Variants in SOD2 observed in about 807,000 individuals in gnomAD.
SOD2 encodes the protein superoxide dismutase 2.
A neutral mutation model predicts 27.0 loss-of-function variants in SOD2; 11 were observed. The ratio of observed to expected loss-of-function variants is 0.41; its 90% CI spans 0.26 to 0.67. The LOEUF (loss-of-function observed/expected upper bound fraction) is 0.67. Among genes scored for constraint, SOD2 ranks in the 30% least tolerant of loss-of-function variants. The pLI is 0.34. For synonymous variants in SOD2, 105 were observed against 103.0 expected, an observed-to-expected ratio of 1.02 and a Z score of -0.12; for missense variants, 250 against 274.5, an observed-to-expected ratio of 0.91 and a Z score of 0.63.
rs747680075 is a variant in SOD2 at position 159,711,034 on chromosome 6, A to AC, written c.-116+16094_-116+16095insG. ...ATAACCACCTCCATAACCACCACTC[A>AC]ACAGCTCTGATCACCATAACCGCCT... On this transcript the variant is annotated intron_variant, in intron 1 of 2. Transcript: ENST00000401980. Among the ~76,000 whole-genome samples the AC allele has an allele frequency of 7.7e-3, 367 of 47,958 alleles. 2 individuals carry two copies. Among genetic ancestry groups the AC allele is most frequent in the African/African-American group, 0.011 (132 of 12,280 alleles). 31.5% of individuals were successfully genotyped at this position (47,958 alleles called of 152,430 possible).
intron 1 of SOD2, chr6:159,713,697 G>A (rs1192658441): frequency 2.2e-6 from 2 of 900,874 alleles, no homozygotes. Context: ...ATTCAGACCT[G>A]TGTGCTTCGA....
upstream of SOD2, among the ~76,000 whole-genome samples, chr6:159,693,633 C>A (rs146069686): frequency 1.2e-4 from 19 of 152,348 alleles, no homozygotes; most frequent in East Asian, 3.5e-3. Flanking sequence ...CGGCGCCTGC[C>A]CCTGAGTTTT....
At chr6:159,741,700 G>T in intron 1 of SOD2, 1 of 172,032 alleles carries the variant, frequency 5.8e-6, no homozygotes, top group Non-Finnish European at 1.2e-5. Context: ...AGTTAAACTA[G>T]ATTTAGGCTG....
intron 1 of SOD2, among the ~76,000 whole-genome samples, chr6:159,704,142 AG>A (rs527826715): frequency 3.2e-3 from 482 of 152,260 alleles, no homozygotes; most frequent in Non-Finnish European, 5.8e-3. Flanking sequence ...AAATTAGGAG[AG>A]GCGGATCCAA....
chr6:159,688,977 T>C (rs929205311), intron 2 of SOD2, among the ~76,000 whole-genome samples: 3 of 152,192 alleles, frequency 2.0e-5, no homozygotes, highest in Non-Finnish European at 2.9e-5. Context: ...GACCAGTATT[T>C]CTCACTGCAC....
At chr6:159,723,796 T>C (rs1028808686) in intron 1 of SOD2, among the ~76,000 whole-genome samples, 2 of 152,242 alleles carry the variant, frequency 1.3e-5, no homozygotes, top group African/African-American at 4.8e-5. Flanking sequence ...ATAGGGTCTG[T>C]TGCCCAAGCT....
exon 1 of SOD2, chr6:159,727,307 C>T (rs1391172812): frequency 2.4e-5 from 31 of 1,279,112 alleles, no homozygotes; most frequent in Non-Finnish European, 3.1e-5. Context: ...CGAGTGACTG[C>T]GGCCACGCCT....
At chr6:159,750,098 A>G (rs994407567), upstream of SOD2, among the ~76,000 whole-genome samples, 2 of 152,198 alleles carry the variant, frequency 1.3e-5, no homozygotes, top group African/African-American at 4.8e-5. Context: ...TTCAGCAAGA[A>G]ATCTGCTTCT....
At chr6:159,756,594 C>CTTTTTTTTT (rs3066261) in intron 1 of SOD2, among the ~76,000 whole-genome samples, 74 of 94,340 alleles carry the variant, frequency 7.8e-4, no homozygotes, top group Non-Finnish European at 1.0e-3. Flanking sequence ...ATTTCTTAGG[C>CTTTTTTTTT]TTTTTTTTTT....
At chr6:159,723,501 G>C (rs566940423) in intron 1 of SOD2, among the ~76,000 whole-genome samples, 1 of 152,338 alleles carries the variant, frequency 6.6e-6, no homozygotes, top group East Asian at 1.9e-4. Flanking sequence ...CCCAGAGCTG[G>C]AATCAGCCAG....
rs374932448 is a variant in SOD2 at position 159,711,817 on chromosome 6, T to C, written c.-116+15312A>G. On this transcript the variant is annotated intron_variant, in intron 1 of 2. Coordinates refer to the SOD2 transcript ENST00000401980. Reference sequence around the variant, plus strand: ...GCTCTGATCACCATAACCACCTCCATAACCACCACTCAGCTGCTCTGACCA... The same window carrying C: ...GCTCTGATCACCATAACCACCTCCACAACCACCACTCAGCTGCTCTGACCA... Among the ~76,000 whole-genome samples, 1,007 of 103,454 alleles carry C rather than the reference T, an allele frequency of 9.7e-3. 75 individuals are homozygous for C. The highest frequency in any genetic ancestry group is 0.013 in the Non-Finnish European group (635 of 49,886). 67.9% of individuals were successfully genotyped at this position (103,454 alleles called of 152,430 possible). A position where few individuals can be genotyped will look rare whatever the true frequency, so the allele number is the denominator to read the frequency against.
chr6:159,690,520 T>A (rs1780410692), intron 2 of SOD2, among the ~76,000 whole-genome samples: 1 of 152,126 alleles, frequency 6.6e-6, no homozygotes. Flanking sequence ...TGTTTAGCGA[T>A]TCAGAAAGGA....
chr6:159,707,314 A>T (rs948600869), intron 1 of SOD2, among the ~76,000 whole-genome samples: 3 of 152,198 alleles, frequency 2.0e-5, no homozygotes, highest in African/African-American at 7.2e-5. Flanking sequence ...CCTTCAAAAA[A>T]ATCAATGAAT....
Position 159,673,873 on chromosome 6 carries a change from A to G in SOD2, c.*8620T>C, listed in dbSNP as rs545763730. 255 of 152,330 alleles carry G rather than the reference A, an allele frequency of 1.7e-3. 2 individuals are homozygous for G. The highest frequency in any genetic ancestry group is 5.9e-3 in the African/African-American group (247 of 41,574). The allele number at this position is 152,330 out of a possible 1,614,324, so 9.4% of individuals were successfully genotyped here. A position where few individuals can be genotyped will look rare whatever the true frequency, so the allele number is the denominator to read the frequency against. ...TAGCAAGACTAATAAACAAGAAAAG[A>G]GAGAAGAATCAAATAAATGCAATAA... On this transcript the variant is annotated 3_prime_UTR_variant, in exon 5 of 5. Transcript: ENST00000538183.
At chr6:159,752,557 T>A (rs1174195608) in intron 1 of SOD2, among the ~76,000 whole-genome samples, 2 of 152,208 alleles carry the variant, frequency 1.3e-5, no homozygotes, top group African/African-American at 4.8e-5. Context: ...AGTGTGACAC[T>A]CCTAGATTGG....
chr6:159,706,353 C>G (rs998003302), intron 1 of SOD2, among the ~76,000 whole-genome samples: 5 of 152,192 alleles, frequency 3.3e-5, no homozygotes, highest in Admixed American at 6.5e-5. Context: ...ACCCATCAGT[C>G]TGCTGTATTC....
chr6:159,754,858 CTCAG>C (rs944533044), intron 1 of SOD2, among the ~76,000 whole-genome samples: 1 of 152,114 alleles, frequency 6.6e-6, no homozygotes, highest in African/African-American at 2.4e-5. Flanking sequence ...CCAAAACAAA[CTCAG>C]TCATATTTTA....
intron 3 of SOD2, among the ~76,000 whole-genome samples, chr6:159,686,424 A>G (rs1332518838): frequency 6.6e-6 from 1 of 152,172 alleles, no homozygotes. Flanking sequence ...AGACAGGTGG[A>G]TCACCTGAGG....
chr6:159,733,437 C>A (rs557370153), intron 1 of SOD2, among the ~76,000 whole-genome samples: 216 of 145,928 alleles, frequency 1.5e-3, no homozygotes, highest in Admixed American at 2.3e-3. Context: ...GGCAGCATGG[C>A]GAAACCCTGT....
Sources: allele counts gnomAD v4.1 joint callset (sites outside exome capture counted in the v4.1 genomes callset), GRCh38; gene constraint gnomAD v4.1.1; transcripts MANE v1.5; gene names NCBI Gene and HGNC (gene_info 2026-07-23, HGNC 2026-07-21).